Variants in AMZ1 observed in about 807,000 individuals in gnomAD.
The protein encoded by AMZ1 is archaemetzincin-1.
AMZ1 carries 39 observed loss-of-function variants against 29.9 expected under a neutral mutation model. That is an observed-to-expected ratio of 1.30 (90% CI 1.01 to 1.70). The LOEUF (loss-of-function observed/expected upper bound fraction) is 1.70. AMZ1 is among the 40% of genes most tolerant of loss of function. The pLI is 0.00. For missense variants in AMZ1, 1,041 were observed against 680.6 expected (o/e 1.53, Z -5.89); for synonymous variants, 458 against 304.0 (o/e 1.51, Z -5.27).
intron 4 of AMZ1, among the ~76,000 whole-genome samples, chr7:2,738,847 G>GT (rs1162754764): frequency 3.3e-5 from 5 of 152,108 alleles, no homozygotes; most frequent in Non-Finnish European, 5.9e-5. Flanking sequence ...TTGTTTTTTT[G>GT]TTTTTTGCCA....
chr7:2,687,060 G>A (rs1342042179), upstream of AMZ1, among the ~76,000 whole-genome samples: 1 of 151,590 alleles, frequency 6.6e-6, no homozygotes, highest in Non-Finnish European at 1.5e-5. Flanking sequence ...TGGGTGTGGT[G>A]GCTCACGCCT....
At position 2,717,218 on chromosome 7, in the gene AMZ1, A is replaced by ATTTG. The variant is rs1789179799; in HGVS notation, c.*4344_*4347dup. On this transcript the variant is annotated 3_prime_UTR_variant, in exon 7 of 7. Transcript: ENST00000683327. The stretch of plus-strand genomic sequence containing the variant: ...CCCCGTGATTGCTGGGGCTTCACTG[A>ATTTG]TTTGTTTTGTTTATAAAAGGAGGGC... Among the ~76,000 whole-genome samples, 1 of 152,120 alleles carries ATTTG rather than the reference A, an allele frequency of 6.6e-6. No homozygotes were observed. The highest frequency in any genetic ancestry group is 2.4e-5 in the African/African-American group (1 of 41,418).
intron 1 of AMZ1, among the ~76,000 whole-genome samples, chr7:2,679,889 G>A (rs1786822437): frequency 6.6e-6 from 1 of 152,234 alleles, no homozygotes; most frequent in Non-Finnish European, 1.5e-5. Flanking sequence ...TTCATCCTGG[G>A]GCTTCATCCG....
intron 1 of AMZ1, among the ~76,000 whole-genome samples, chr7:2,689,854 C>T (rs574734063): frequency 2.6e-5 from 4 of 152,254 alleles, no homozygotes; most frequent in East Asian, 1.9e-4. Context: ...GAGGGTGCTG[C>T]GAAGCTGACC....
chr7:2,720,508 A>T (rs1789374411), downstream of AMZ1, among the ~76,000 whole-genome samples: 1 of 151,682 alleles, frequency 6.6e-6, no homozygotes, highest in African/African-American at 2.4e-5. Context: ...GGTTCAAACG[A>T]TTCTCCTGTC....
upstream of AMZ1, among the ~76,000 whole-genome samples, chr7:2,761,161 C>T (rs1404091797): frequency 3.3e-5 from 5 of 152,234 alleles, no homozygotes; most frequent in African/African-American, 4.8e-5. Context: ...CAACCACGGC[C>T]GCCTCACCGA....
upstream of AMZ1, chr7:2,762,449 C>T: frequency 1.9e-6 from 1 of 531,530 alleles, no homozygotes; most frequent in Non-Finnish European, 3.2e-6. Context: ...CGCTACTTAA[C>T]TCCAAAGTCC....
chr7:2,695,542 C>T (rs1787657998), intron 1 of AMZ1, among the ~76,000 whole-genome samples: 1 of 132,760 alleles, frequency 7.5e-6, no homozygotes, highest in Non-Finnish European at 1.6e-5. Flanking sequence ...CATAGTGAGA[C>T]TCTTCTCTAC....
At chr7:2,750,322 G>A (rs966581604) in intron 4 of AMZ1, among the ~76,000 whole-genome samples, 1 of 152,192 alleles carries the variant, frequency 6.6e-6, no homozygotes, top group African/African-American at 2.4e-5. Context: ...GAGAATCGCA[G>A]TTTACCAGGA....
intron 1 of AMZ1, among the ~76,000 whole-genome samples, chr7:2,699,143 G>C (rs373020965): frequency 2.0e-5 from 3 of 152,016 alleles, no homozygotes; most frequent in African/African-American, 7.3e-5. Flanking sequence ...TCTGTTCTGC[G>C]AGGCTTCCCC....
downstream of AMZ1, among the ~76,000 whole-genome samples, chr7:2,721,728 AAAGAT>A (rs1051582162): frequency 6.6e-5 from 10 of 151,856 alleles, no homozygotes; most frequent in African/African-American, 1.9e-4. Context: ...AAAAAAAAAA[AAAGAT>A]AGCGGCGGGT....
downstream of AMZ1, among the ~76,000 whole-genome samples, chr7:2,721,845 A>T (rs1003423461): frequency 4.6e-5 from 7 of 152,202 alleles, no homozygotes; most frequent in Admixed American, 3.3e-4. Flanking sequence ...ATTTTAATAG[A>T]TTTATAAAAA....
Position 2,709,079 on chromosome 7 carries a change from G to T in AMZ1, c.606G>T (p.Val202=). The T allele has an allele frequency of 6.3e-7, 1 of 1,588,270 alleles. No individual in the cohort carries two copies. Among genetic ancestry groups the T allele is most frequent in the Non-Finnish European group, 8.6e-7 (1 of 1,167,406 alleles). The change falls in exon 5 of 7, where the codon GTG becomes GTT. Residue 202 remains valine (V), a synonymous_variant. Transcript: ENST00000683327. ...CTTCTCTCCATCTCTCTCCAGAAGT[G>T]GGCGTCTGCAGCTTCGCCCGGTTCT... ...TFSKFLPGHE[V]GVCSFARFSG...
chr7:2,712,726 G>C lies in AMZ1; in HGVS notation c.1345G>C (p.Ala449Pro). 1 of 1,608,682 alleles carries C rather than the reference G, an allele frequency of 6.2e-7. No homozygotes were observed. The highest frequency in any genetic ancestry group is 8.5e-7 in the Non-Finnish European group (1 of 1,177,398). Residue 449 changes from alanine (A) to proline (P), a missense_variant, in exon 7 of 7, where the codon GCC (alanine) becomes CCC (proline). By Grantham distance (27) the Ala-to-Pro change is conservative. Transcript: ENST00000683327. The stretch of plus-strand genomic sequence containing the variant: ...GGAGATGTTCACGGGCCAGCTCCCG[G>C]CCACCAGGCAGGACCCACCCAGCAG... ...RWEMFTGQLP[A>P]TRQDPPSSRD...
intron 3 of AMZ1, among the ~76,000 whole-genome samples, chr7:2,706,537 G>A (rs912785628): frequency 6.6e-6 from 1 of 152,208 alleles, no homozygotes; most frequent in Non-Finnish European, 1.5e-5. Flanking sequence ...AAGGCTCCGT[G>A]GAGGGTGCTT....
chr7:2,729,987 C>G (rs1386921424), intron 4 of AMZ1: 2 of 152,380 alleles, frequency 1.3e-5, no homozygotes, highest in African/African-American at 4.8e-5. Context: ...TCTGCAAGCA[C>G]AGTCATAGAA....
At chr7:2,693,972 C>G (rs1271347677) in intron 1 of AMZ1, among the ~76,000 whole-genome samples, 1 of 152,214 alleles carries the variant, frequency 6.6e-6, no homozygotes, top group Admixed American at 6.5e-5. Context: ...GGCCAGGGAC[C>G]TCTGTTTTGT....
At chr7:2,684,646 C>T (rs562168214), upstream of AMZ1, among the ~76,000 whole-genome samples, 309 of 152,240 alleles carry the variant, frequency 2.0e-3, 2 homozygotes, top group African/African-American at 7.2e-3. Flanking sequence ...GGGAGACCAG[C>T]GTGTCCCGGG....
downstream of AMZ1, among the ~76,000 whole-genome samples, chr7:2,724,495 C>T (rs527436124): frequency 1.3e-5 from 2 of 152,182 alleles, no homozygotes; most frequent in African/African-American, 4.8e-5. Flanking sequence ...AGGCAAGAGA[C>T]GGGAAGCCCT....
Sources: gnomAD v4.1 joint callset for allele counts (sites outside exome capture counted in the v4.1 genomes callset) on GRCh38, gnomAD v4.1.1 for gene constraint, MANE v1.5 for transcripts, NCBI Gene and HGNC (gene_info 2026-07-23, HGNC 2026-07-21) for gene names.